RXRG: variants seen among roughly 807,000 people sequenced by gnomAD.
The protein encoded by RXRG is retinoid X receptor gamma.
A neutral mutation model predicts 49.2 loss-of-function variants in RXRG; 19 were observed. The observed-to-expected ratio is 0.39, with a 90% CI of 0.27 to 0.57. The LOEUF is 0.57. RXRG is among the 20% of genes least tolerant of loss of function. RXRG has a pLI of 0.64. For synonymous variants in RXRG, 224 were observed against 216.6 expected, an observed-to-expected ratio of 1.03 and a Z score of -0.30; for missense variants, 452 against 592.5, an observed-to-expected ratio of 0.76 and a Z score of 2.46.
intron 1 of RXRG, among the ~76,000 whole-genome samples, chr1:165,431,476 G>A (rs1050094279): frequency 6.6e-6 from 1 of 152,146 alleles, no homozygotes; most frequent in African/African-American, 2.4e-5. Context: ...TGAGTTAGGC[G>A]CCAGCCCTGA....
intron 8 of RXRG, among the ~76,000 whole-genome samples, chr1:165,407,334 A>T (rs777087039): frequency 2.6e-5 from 4 of 152,236 alleles, no homozygotes; most frequent in African/African-American, 4.8e-5. Flanking sequence ...AAGCCTCTGC[A>T]TGAATGACTA....
rs762016393 is a variant in RXRG, at chr1:165,444,901, C to T, written c.-8G>A. The T allele has an allele frequency of 2.5e-5, 40 of 1,609,414 alleles. No homozygotes were observed. Among genetic ancestry groups the T allele is most frequent in the Non-Finnish European group, 3.3e-5 (39 of 1,175,982 alleles). The stretch of plus-strand genomic sequence containing the variant: ...AGAATAATTTCCATACATGTTTACT[C>T]GTCAGTTCATGTTCCTCTCCTGTGC... On this transcript the variant is annotated 5_prime_UTR_variant, in exon 1 of 10. Coordinates refer to ENST00000359842, the MANE Select transcript of RXRG (RefSeq NM_006917.5).
intron 7 of RXRG, among the ~76,000 whole-genome samples, 153 bp from the exon 8 acceptor site, chr1:165,408,471 T>G (rs1657829579): frequency 6.6e-6 from 1 of 152,172 alleles, no homozygotes; most frequent in South Asian, 2.1e-4. Context: ...ATGCAACCCC[T>G]CATTGCAAGG....
intron 1 of RXRG, among the ~76,000 whole-genome samples, chr1:165,435,481 C>G (rs759513571): frequency 6.6e-6 from 1 of 152,164 alleles, no homozygotes; most frequent in Admixed American, 6.5e-5. Context: ...AGTCTTGTGC[C>G]GGGGCCGCTG....
chr1:165,410,917 T>C (rs1324817920), intron 5 of RXRG, 32 bp downstream of exon 5: 1 of 1,613,470 alleles, frequency 6.2e-7, no homozygotes, highest in Non-Finnish European at 8.5e-7. Flanking sequence ...ACCCAAGAAA[T>C]GGAACACACA....
chr1:165,438,446 A>G (rs1243191700), intron 1 of RXRG, among the ~76,000 whole-genome samples: 3 of 152,180 alleles, frequency 2.0e-5, no homozygotes, highest in Admixed American at 2.0e-4. Context: ...CATAACTACA[A>G]CACCACTTTA....
intron 8 of RXRG, 132 bp downstream of exon 8, chr1:165,408,095 G>C (rs1571265097): frequency 2.8e-6 from 2 of 724,676 alleles, no homozygotes; most frequent in African/African-American, 1.7e-5. Flanking sequence ...CTGACACTGT[G>C]AGCTCTCCTG....
intron 1 of RXRG, chr1:165,437,089 G>C (rs1367707863): frequency 3.0e-5 from 41 of 1,352,100 alleles, no homozygotes; most frequent in Non-Finnish European, 3.8e-5. Context: ...TCATTTTACT[G>C]GTCACTAGTG....
At chr1:165,408,527 G>A (rs1292063725) in intron 7 of RXRG, among the ~76,000 whole-genome samples, 5 of 152,180 alleles carry the variant, frequency 3.3e-5, no homozygotes, top group African/African-American at 1.2e-4. Flanking sequence ...ACTAGCAGCA[G>A]CACGATGCCC....
chr1:165,431,894 A>G (rs910200346), intron 1 of RXRG, among the ~76,000 whole-genome samples: 2 of 152,192 alleles, frequency 1.3e-5, no homozygotes, highest in Admixed American at 6.5e-5. Flanking sequence ...ATAGGGAGGG[A>G]CTGAGCTCTC....
At chr1:165,433,158 A>G (rs1260573828) in intron 1 of RXRG, among the ~76,000 whole-genome samples, 1 of 151,954 alleles carries the variant, frequency 6.6e-6, no homozygotes, top group Non-Finnish European at 1.5e-5. Flanking sequence ...CCATTTTTCC[A>G]TCCCTTCCAT....
chr1:165,418,043 G>A (rs556596582), intron 3 of RXRG, among the ~76,000 whole-genome samples: 10 of 147,932 alleles, frequency 6.8e-5, no homozygotes, highest in African/African-American at 2.2e-4. Context: ...CCCTGGAGGC[G>A]GAGGTTGCAG....
Position 165,411,115 on chromosome 1 carries a change from A to G in RXRG, c.623-6T>C. 1.2e-6 allele frequency: 2 copies of G among 1,613,476 alleles called. No individual in the cohort carries two copies. Among genetic ancestry groups the G allele is most frequent in the Non-Finnish European group, 1.7e-6 (2 of 1,179,734 alleles). ...CTGTCTTTCTTCTTGCACAGCTGAC[A>G]TGCAGCAGGACATGCAGAGGTTACC... is the stretch of plus-strand genomic sequence containing the variant. On this transcript the variant is annotated splice_region_variant and splice_polypyrimidine_tract_variant and intron_variant, in intron 4 of 9. Coordinates refer to ENST00000359842, the MANE Select transcript of RXRG (RefSeq NM_006917.5).
intron 1 of RXRG, among the ~76,000 whole-genome samples, chr1:165,435,220 A>T (rs1009404522): frequency 1.3e-5 from 2 of 152,228 alleles, no homozygotes; most frequent in Non-Finnish European, 2.9e-5. Flanking sequence ...TTGATTCACA[A>T]GCATTTCCAA....
At chr1:165,427,418 TG>T (rs1658522215) in intron 2 of RXRG, among the ~76,000 whole-genome samples, 1 of 76,400 alleles carries the variant, frequency 1.3e-5, no homozygotes, top group Admixed American at 1.2e-4. Context: ...TGTTTTGTTT[TG>T]TTTTGTTTTG....
chr1:165,407,094 A>G (rs1657781511), intron 8 of RXRG, among the ~76,000 whole-genome samples, 177 bp from the exon 9 acceptor site: 1 of 152,130 alleles, frequency 6.6e-6, no homozygotes, highest in African/African-American at 2.4e-5. Flanking sequence ...CAATTTACCC[A>G]ACAAACTCTT....
At position 165,432,910 on chromosome 1, in the gene RXRG, G is replaced by A. The variant is rs114920205; in HGVS notation, c.50-3944C>T. Reference sequence around the variant, plus strand: ...TTGGTCCTTGCAATGATTTGAATGGGTGTGTCCCTCCAAAATTTGTGTTGG... The same window carrying A: ...TTGGTCCTTGCAATGATTTGAATGGATGTGTCCCTCCAAAATTTGTGTTGG... On this transcript the variant is annotated intron_variant, in intron 1 of 9. Coordinates refer to ENST00000359842, the MANE Select transcript of RXRG (RefSeq NM_006917.5). Among the ~76,000 whole-genome samples the A allele has an allele frequency of 6.6e-3, 1,003 of 152,270 alleles. 14 individuals are homozygous for A. The highest frequency in any genetic ancestry group is 0.023 in the African/African-American group (954 of 41,544).
Position 165,419,972 on chromosome 1 carries a change from GC to G in RXRG, c.339del (p.Lys113AsnfsTer12). 1 of 1,613,078 alleles carries G rather than the reference GC, an allele frequency of 6.2e-7. No individual in the cohort carries two copies. The highest frequency in any genetic ancestry group is 8.5e-7 in the Non-Finnish European group (1 of 1,179,496). ...CCAATCCCGGGAAGCCCTGGTAAGGGCTTGATGTCCTCTGAACTGCTGACAC... is the reference window on the plus strand; with the variant it reads ...CCAATCCCGGGAAGCCCTGGTAAGGGTTGATGTCCTCTGAACTGCTGACAC... Reference protein sequence around the residue: ...VNSVSSSEDIKPLPGLPGIGN... With the variant: ...VNSVSSSEDIXPLPGLPGIGN... On this transcript the variant is annotated frameshift_variant, in exon 3 of 10. Transcript: ENST00000359842. LOFTEE classifies it high-confidence loss of function.
chr1:165,417,166 G>A lies in RXRG; in HGVS notation c.497C>T (p.Thr166Met). ...CEGCKGFFKRTIRKDLIYTCR... is the reference protein window; with the variant it reads ...CEGCKGFFKRMIRKDLIYTCR... ...CGTGTAGATGAGGTCCTTCCTTATC[G>A]TCCTCTTGAAGAACCCTTTGCAGCC... The change falls in exon 4 of 10, where the codon ACG becomes ATG. Residue 166 changes from threonine (T) to methionine (M), a missense_variant. Physicochemically the swap from Thr to Met is moderately conservative, Grantham distance 81 (BLOSUM62 -1). Around this residue, in one of 2 missense-constraint regions of RXRG, gnomAD observed 286 missense variants for 440.9 expected, o/e 0.65. Coordinates refer to ENST00000359842, the MANE Select transcript of RXRG (RefSeq NM_006917.5). 1.2e-6 allele frequency: 2 copies of A among 1,605,966 alleles called. No homozygotes were observed. Among genetic ancestry groups the A allele is most frequent in the East Asian group, 2.2e-5 (1 of 44,488 alleles).
Sources: allele counts gnomAD v4.1 joint callset (sites outside exome capture counted in the v4.1 genomes callset), GRCh38; gene constraint gnomAD v4.1.1; regional missense constraint gnomAD v4.1.1; transcripts MANE v1.5; gene names NCBI Gene and HGNC (gene_info 2026-07-23, HGNC 2026-07-21).